RALYL: variants seen among roughly 807,000 people sequenced by gnomAD.
RALYL encodes RALY RNA binding protein like, also known as RNA-binding Raly-like protein.
RALYL carries 29 observed loss-of-function variants against 35.1 expected under a neutral mutation model. The observed-to-expected ratio is 0.83, with a 90% CI of 0.61 to 1.13. RALYL has a LOEUF of 1.13. Ranked by LOEUF, RALYL falls within the 50% of genes most tolerant of loss-of-function variation. The probability of loss-of-function intolerance (pLI) is 0.00; values close to 1 mark genes in which losing one functional copy is unlikely to be tolerated. For synonymous variants in RALYL, 120 were observed against 127.6 expected (o/e 0.94, Z 0.40); for missense variants, 359 against 360.4 (o/e 1.00, Z 0.03).
At chr8:84,559,665 A>G (rs560393470) in intron 2 of RALYL, among the ~76,000 whole-genome samples, 53 of 152,236 alleles carry the variant, frequency 3.5e-4, no homozygotes, top group African/African-American at 1.3e-3. Flanking sequence ...TTAAAGAGTA[A>G]GCAAAGATCT....
chr8:84,680,183 T>A lies in RALYL; in HGVS notation c.257-94396T>A, dbSNP rs555936225. ...TGTCCCTACAAAGGTCATGAACTCATCTTTTTTATGGCTGCATAGTATTCC... is the reference window on the plus strand; with the variant it reads ...TGTCCCTACAAAGGTCATGAACTCAACTTTTTTATGGCTGCATAGTATTCC... On this transcript the variant is annotated intron_variant, in intron 2 of 8. Transcript: ENST00000521268. Among the ~76,000 whole-genome samples, 453 of 152,286 alleles carry A rather than the reference T, an allele frequency of 3.0e-3. 1 individual carries two copies. Among genetic ancestry groups the A allele is most frequent in the Admixed American group, 6.9e-3 (105 of 15,284 alleles).
chr8:84,764,547 TAAG>T (rs1813455069), intron 2 of RALYL, among the ~76,000 whole-genome samples: 1 of 152,168 alleles, frequency 6.6e-6, no homozygotes, highest in African/African-American at 2.4e-5. Flanking sequence ...AAATAACTAG[TAAG>T]AAGTTCAAGT....
At chr8:84,387,118 T>C (rs534775516) in intron 1 of RALYL, among the ~76,000 whole-genome samples, 31 of 151,996 alleles carry the variant, frequency 2.0e-4, no homozygotes, top group Admixed American at 2.0e-3. Flanking sequence ...TTGGAAGGAT[T>C]AGAGGTAATG....
intron 3 of RALYL, among the ~76,000 whole-genome samples, chr8:84,798,986 T>A (rs1038365190): frequency 6.6e-6 from 1 of 152,168 alleles, no homozygotes; most frequent in Non-Finnish European, 1.5e-5. Flanking sequence ...GGAACCTGAT[T>A]GTGAATGAAC....
intron 1 of RALYL, among the ~76,000 whole-genome samples, chr8:84,242,753 T>C (rs923199738): frequency 1.3e-5 from 2 of 152,164 alleles, no homozygotes; most frequent in Non-Finnish European, 2.9e-5. Flanking sequence ...TCAGATGGAT[T>C]TGATAGATTG....
At position 84,607,529 on chromosome 8, in the gene RALYL, A is replaced by G. The variant is rs185828482; in HGVS notation, c.256+77952A>G. On this transcript the variant is annotated intron_variant, in intron 2 of 8. Coordinates refer to ENST00000521268, the MANE Select transcript of RALYL (RefSeq NM_173848.7). The stretch of plus-strand genomic sequence containing the variant: ...TTTAGATATCTGACAGTTTTCTCCA[A>G]TGTGTCCCAACATTGCCCATAGGTA... 5.5e-4 allele frequency among the ~76,000 whole-genome samples: 83 copies of G among 152,238 alleles called. 1 individual carries two copies. The highest frequency in any genetic ancestry group is 9.0e-4 in the Non-Finnish European group (61 of 67,998).
chr8:84,425,283 G>C (rs1004675928), intron 1 of RALYL, among the ~76,000 whole-genome samples: 1 of 151,716 alleles, frequency 6.6e-6, no homozygotes. Context: ...TCTGAAAAGC[G>C]CAATATTCGG....
chr8:84,776,532 G>A (rs916664884), intron 3 of RALYL, among the ~76,000 whole-genome samples: 5 of 152,154 alleles, frequency 3.3e-5, no homozygotes, highest in Non-Finnish European at 7.4e-5. Flanking sequence ...TGAGGTAAAG[G>A]AGATGATTTA....
Position 84,650,276 on chromosome 8 carries a change from C to A in RALYL, c.256+120699C>A, listed in dbSNP as rs536986311. On this transcript the variant is annotated intron_variant, in intron 2 of 8. Coordinates refer to ENST00000521268, the MANE Select transcript of RALYL (RefSeq NM_173848.7). ...TTCCTAATTGAGTACCCTTTATTTC[C>A]TTCTCCTGCCTAATTGCCCTGGAGA... 1.6e-4 allele frequency among the ~76,000 whole-genome samples: 24 copies of A among 152,020 alleles called. No individual in the cohort carries two copies. In the East Asian group the frequency reaches 4.5e-3, roughly 28 times the overall value.
chr8:84,614,080 C>A (rs997188987), intron 2 of RALYL, among the ~76,000 whole-genome samples: 1 of 151,208 alleles, frequency 6.6e-6, no homozygotes, highest in South Asian at 2.1e-4. Flanking sequence ...ATGGGATCCA[C>A]TAATAGTACC....
At chr8:84,334,161 G>A (rs956755423) in intron 1 of RALYL, among the ~76,000 whole-genome samples, 5 of 152,112 alleles carry the variant, frequency 3.3e-5, no homozygotes, top group African/African-American at 1.2e-4. Flanking sequence ...TGGGATTATA[G>A]GTGTGAGCCA....
At chr8:84,638,778 T>C (rs1014700296) in intron 2 of RALYL, among the ~76,000 whole-genome samples, 2 of 149,844 alleles carry the variant, frequency 1.3e-5, no homozygotes, top group Admixed American at 1.3e-4. Context: ...TATGAGAGTC[T>C]TATCTGTATT....
At chr8:84,688,490 A>G (rs938256723) in intron 2 of RALYL, among the ~76,000 whole-genome samples, 8 of 152,132 alleles carry the variant, frequency 5.3e-5, no homozygotes, top group African/African-American at 1.9e-4. Context: ...TCACTTCGAT[A>G]AGTGTTGCTG....
intron 1 of RALYL, among the ~76,000 whole-genome samples, chr8:84,231,473 T>C (rs1357161346): frequency 6.6e-6 from 1 of 152,178 alleles, no homozygotes; most frequent in Non-Finnish European, 1.5e-5. Flanking sequence ...ATGGCCATGT[T>C]TGTTCTCTGT....
rs188099003 is a variant in RALYL, at chr8:84,525,806, C to T, written c.-23-3493C>T. Among the ~76,000 whole-genome samples the T allele has an allele frequency of 1.3e-3, 204 of 151,808 alleles. 1 individual carries two copies. In the East Asian group the frequency reaches 0.036, roughly 27 times the overall value. ...ATTACAGTTTTTATCTTTAAAAGTC[C>T]CATTTGATTCATTTTTTAACATCTT... On this transcript the variant is annotated intron_variant, in intron 1 of 8. Transcript: ENST00000521268.
chr8:84,697,813 C>T (rs1839436068), intron 2 of RALYL, among the ~76,000 whole-genome samples: 1 of 151,972 alleles, frequency 6.6e-6, no homozygotes, highest in Non-Finnish European at 1.5e-5. Flanking sequence ...TCATTTAGCT[C>T]CCACTTACAA....
rs769845435 is a variant in RALYL at position 84,403,524 on chromosome 8, G to GTTTTTTTTTTTTTTTT, written c.-23-125760_-23-125745dup. Among the ~76,000 whole-genome samples, 23 of 39,426 alleles carry GTTTTTTTTTTTTTTTT rather than the reference G, an allele frequency of 5.8e-4. 3 individuals carry two copies. Among genetic ancestry groups the GTTTTTTTTTTTTTTTT allele is most frequent in the Non-Finnish European group, 8.7e-4 (16 of 18,414 alleles). The allele number at this position is 39,426 out of a possible 152,430, so 25.9% of individuals were successfully genotyped here. ...TTCTGTTCCATTGGTCTATATCTCT[G>GTTTTTTTTTTTTTTTT]TTTTTTTTTTTTTTTTTTTTTTTTT... On this transcript the variant is annotated intron_variant, in intron 1 of 8. Transcript: ENST00000521268.
intron 1 of RALYL, among the ~76,000 whole-genome samples, chr8:84,347,992 A>C (rs1344729667): frequency 6.6e-6 from 1 of 152,074 alleles, no homozygotes; most frequent in African/African-American, 2.4e-5. Flanking sequence ...GATAGGTTAA[A>C]GTTTAGCATT....
intron 1 of RALYL, among the ~76,000 whole-genome samples, chr8:84,396,043 A>G (rs1014212869): frequency 1.3e-5 from 2 of 152,080 alleles, no homozygotes; most frequent in African/African-American, 2.4e-5. Context: ...TGCTTTGACT[A>G]TATGGACTAA....
Sources: allele counts gnomAD v4.1 joint callset (sites outside exome capture counted in the v4.1 genomes callset), GRCh38; gene constraint gnomAD v4.1.1; transcripts MANE v1.5; gene names NCBI Gene and HGNC (gene_info 2026-07-23, HGNC 2026-07-21).